BRIP1: variants seen among roughly 807,000 people sequenced by gnomAD.
The protein encoded by BRIP1 is Fanconi anemia group J protein.
A neutral mutation model predicts 119.7 loss-of-function variants in BRIP1; 88 were observed. The observed-to-expected ratio is 0.74, with a 90% CI of 0.62 to 0.88. The LOEUF (loss-of-function observed/expected upper bound fraction) is 0.88. Among genes scored for constraint, BRIP1 ranks in the 40% least tolerant of loss-of-function variants. The pLI is 0.00. For missense variants in BRIP1, 1,259 were observed against 1,455.4 expected (o/e 0.87, Z 2.20); for synonymous variants, 443 against 496.5 (o/e 0.89, Z 1.43).
Position 61,744,738 on chromosome 17 carries a change from A to G in BRIP1, c.2098-147T>C. On this transcript the variant is annotated intron_variant, in intron 14 of 19. Transcript: ENST00000259008. This position sits in a 1 kb window ranked among gnomAD's most constrained non-coding sequence, Gnocchi z 5.0. ...TAAAATGAGGAAAACAATATATCTCATAGAGCTGTTATGGGGTTAAATTTA... is the reference window on the plus strand; with the variant it reads ...TAAAATGAGGAAAACAATATATCTCGTAGAGCTGTTATGGGGTTAAATTTA... 1.3e-6 allele frequency: 1 copy of G among 756,114 alleles called. No homozygotes were observed. Among genetic ancestry groups the G allele is most frequent in the Non-Finnish European group, 2.2e-6 (1 of 453,478 alleles). The allele number at this position is 756,114 out of a possible 1,614,324, so 46.8% of individuals were successfully genotyped here. A position where few individuals can be genotyped will look rare whatever the true frequency, so the allele number is the denominator to read the frequency against.
chr17:61,808,603 C>CT lies in BRIP1; in HGVS notation c.781dup (p.Arg261LysfsTer27). On this transcript the variant is annotated frameshift_variant, in exon 7 of 20. Transcript: ENST00000259008. LOFTEE classifies it high-confidence loss of function. The surrounding 1 kb of genome is among the most constrained non-coding windows in gnomAD (Gnocchi z 4.1). ...TGAATATGCCGTCCTCCGGAGCTCT[C>CT]TAGTAATCTGAGCAATCTGCTTGTG... 1 of 1,613,966 alleles carries CT rather than the reference C, an allele frequency of 6.2e-7. No homozygotes were observed. Among genetic ancestry groups the CT allele is most frequent in the South Asian group, 1.1e-5 (1 of 91,080 alleles).
In BRIP1 at chr17:61,747,711, AT is replaced by A. The variant is rs1291768743; in HGVS notation, c.2098-3121del. On this transcript the variant is annotated intron_variant, in intron 14 of 19. Transcript: ENST00000259008. ...CATTTTTATTTATTTAATTTTATTA[AT>A]TTTTTATTTTCATTTCTTTGCTAAT... Among the ~76,000 whole-genome samples, 10 of 152,098 alleles carry A rather than the reference AT, an allele frequency of 6.6e-5. No individual in the cohort carries two copies. The East Asian group carries it at 1.5e-3, about 23-fold the overall frequency.
Position 61,730,263 on chromosome 17 carries a change from GA to G in BRIP1, c.2379+12749del, listed in dbSNP as rs756571489. Among the ~76,000 whole-genome samples the G allele has an allele frequency of 6.6e-6, 1 of 151,768 alleles. No individual in the cohort carries two copies. The highest frequency in any genetic ancestry group is 2.4e-5 in the African/African-American group (1 of 41,352). On this transcript the variant is annotated intron_variant, in intron 16 of 19. Coordinates refer to ENST00000259008, the MANE Select transcript of BRIP1 (RefSeq NM_032043.3). This position sits in a 1 kb window ranked among gnomAD's most constrained non-coding sequence, Gnocchi z 4.3. ...TTGAGACCTTAAAGCTTTACAGTTA[GA>G]AAAAAAAGTGACATAGTCACCTGAA...
At position 61,736,030 on chromosome 17, in the gene BRIP1, A is replaced by T. The variant is rs2076913676; in HGVS notation, c.2379+6983T>A. ...ATGTGATAATTTGTTACACAGCAAT[A>T]AAAAACTAATACAGGCTGGGCATGA... On this transcript the variant is annotated intron_variant, in intron 16 of 19. Coordinates refer to ENST00000259008, the MANE Select transcript of BRIP1 (RefSeq NM_032043.3). This position sits in a 1 kb window ranked among gnomAD's most constrained non-coding sequence, Gnocchi z 4.4. Among the ~76,000 whole-genome samples the T allele has an allele frequency of 6.6e-6, 1 of 152,054 alleles. No individual in the cohort carries two copies. The highest frequency in any genetic ancestry group is 1.5e-5 in the Non-Finnish European group (1 of 68,014).
In BRIP1 at chr17:61,823,785, CA is replaced by C. The variant is rs2078363065; in HGVS notation, c.628-15029del. Among the ~76,000 whole-genome samples the C allele has an allele frequency of 1.3e-5, 2 of 151,902 alleles. No homozygotes were observed. Among genetic ancestry groups the C allele is most frequent in the African/African-American group, 2.4e-5 (1 of 41,350 alleles). ...ACACACACACACACACACACACACA[CA>C]CACACACACACCTTAGTTGAATTGC... On this transcript the variant is annotated intron_variant, in intron 6 of 19. Coordinates refer to ENST00000259008, the MANE Select transcript of BRIP1 (RefSeq NM_032043.3). This position sits in a 1 kb window ranked among gnomAD's most constrained non-coding sequence, Gnocchi z 4.8.
chr17:61,817,775 G>A (rs1369829630), intron 6 of BRIP1, among the ~76,000 whole-genome samples: 1 of 152,178 alleles, frequency 6.6e-6, no homozygotes, highest in African/African-American at 2.4e-5. Flanking sequence ...GTTATTGCAG[G>A]TGCATTGTAT....
Position 61,752,808 on chromosome 17 carries a change from T to C in BRIP1, c.2098-8217A>G, listed in dbSNP as rs533506673. 1.5e-4 allele frequency among the ~76,000 whole-genome samples: 23 copies of C among 152,228 alleles called. No individual in the cohort carries two copies. The highest frequency in any genetic ancestry group is 4.8e-4 in the African/African-American group (20 of 41,510). ...AAAAGTGAACAGATTATAAAAATAC[T>C]TAAAATTAAAATGAGTAAGATATGG... On this transcript the variant is annotated intron_variant, in intron 14 of 19. Transcript: ENST00000259008. This position sits in a 1 kb window ranked among gnomAD's most constrained non-coding sequence, Gnocchi z 6.2.
rs1463389594 is a variant in BRIP1, at chr17:61,823,380, G to T, written c.628-14623C>A. On this transcript the variant is annotated intron_variant, in intron 6 of 19. Coordinates refer to ENST00000259008, the MANE Select transcript of BRIP1 (RefSeq NM_032043.3). This position sits in a 1 kb window ranked among gnomAD's most constrained non-coding sequence, Gnocchi z 4.8. ...CAGTACTTTTCAGACACTGAATTGT[G>T]ATCTCAGAGAAAAGGAAACAAAGAG... Among the ~76,000 whole-genome samples, 1 of 152,118 alleles carries T rather than the reference G, an allele frequency of 6.6e-6. No homozygotes were observed. Among genetic ancestry groups the T allele is most frequent in the Non-Finnish European group, 1.5e-5 (1 of 68,016 alleles).
rs979767657 is a variant in BRIP1 at position 61,768,951 on chromosome 17, A to AC, written c.2097+7449_2097+7450insG. On this transcript the variant is annotated intron_variant, in intron 14 of 19. Transcript: ENST00000259008. This position sits in a 1 kb window ranked among gnomAD's most constrained non-coding sequence, Gnocchi z 5.0. ...TTGTTGGCTTTGAAGAAGGAAAAAA[A>AC]AAAGTAGTAGTAGTAATAAGCTGCC... is the stretch of plus-strand genomic sequence containing the variant. Among the ~76,000 whole-genome samples, 5 of 152,186 alleles carry AC rather than the reference A, an allele frequency of 3.3e-5. No individual in the cohort carries two copies. Among genetic ancestry groups the AC allele is most frequent in the African/African-American group, 1.2e-4 (5 of 41,450 alleles).
chr17:61,755,750 C>T lies in BRIP1; in HGVS notation c.2098-11159G>A, dbSNP rs1219076791. On this transcript the variant is annotated intron_variant, in intron 14 of 19. Transcript: ENST00000259008. The surrounding 1 kb of genome is among the most constrained non-coding windows in gnomAD (Gnocchi z 4.5). ...CCTTCCTTTCTTCTCCCCTCCCTTC[C>T]GGAAGAAAACAGACAGGTAAAGATT... 1.6e-4 allele frequency among the ~76,000 whole-genome samples: 24 copies of T among 151,846 alleles called. No homozygotes were observed. The highest frequency in any genetic ancestry group is 6.8e-3 in the Middle Eastern group (2 of 294).
chr17:61,697,007 G>C (rs1255661246), intron 17 of BRIP1, among the ~76,000 whole-genome samples: 51 of 143,836 alleles, frequency 3.5e-4, no homozygotes, highest in Non-Finnish European at 5.2e-4. Flanking sequence ...AAAAAAAGGG[G>C]GGGGGAAGTG....
Position 61,778,429 on chromosome 17 carries a change from C to T in BRIP1, c.1935+1832G>A, listed in dbSNP as rs1035296840. The stretch of plus-strand genomic sequence containing the variant: ...TTGGTTGCACAACAACATATACATA[C>T]TTAATAAGACTGAGCTGTATACTCA... On this transcript the variant is annotated intron_variant, in intron 13 of 19. Transcript: ENST00000259008. The surrounding 1 kb of genome is among the most constrained non-coding windows in gnomAD (Gnocchi z 4.4). Among the ~76,000 whole-genome samples the T allele has an allele frequency of 2.6e-5, 4 of 152,070 alleles. No individual in the cohort carries two copies. The highest frequency in any genetic ancestry group is 4.8e-5 in the African/African-American group (2 of 41,430).
chr17:61,716,051 G>A lies in BRIP1; in HGVS notation c.2392C>T (p.Arg798Ter), dbSNP rs137852986. The A allele has an allele frequency of 2.9e-4, 457 of 1,592,634 alleles. No homozygotes were observed. Among genetic ancestry groups the A allele is most frequent in the Non-Finnish European group, 3.5e-4 (406 of 1,167,286 alleles). ...TTTGAATGGTGGTCATTGTATTGTCGTTTTAGTTCAACCTAATAATTTTAA... is the reference window on the plus strand; with the variant it reads ...TTTGAATGGTGGTCATTGTATTGTCATTTTAGTTCAACCTAATAATTTTAA... ...NVKDLQVELK[R>*]QYNDHHSKLR... Residue 798 changes from arginine to a stop codon, truncating the protein, a stop_gained, in exon 17 of 20, where the codon CGA becomes TGA. Transcript: ENST00000259008. LOFTEE classifies it high-confidence loss of function.
intron 9 of BRIP1, among the ~76,000 whole-genome samples, chr17:61,797,908 A>G (rs2077925702): frequency 6.6e-6 from 1 of 152,004 alleles, no homozygotes. Flanking sequence ...AGAAGAAAAC[A>G]ATTTCCATAC....
intron 16 of BRIP1, among the ~76,000 whole-genome samples, chr17:61,733,253 T>A (rs1459757003): frequency 6.6e-6 from 1 of 152,190 alleles, no homozygotes; most frequent in African/African-American, 2.4e-5. Flanking sequence ...CCAGGTGCAA[T>A]TGGCGCGAGT....
chr17:61,835,860 C>T (rs1278632981), intron 6 of BRIP1, among the ~76,000 whole-genome samples: 1 of 152,092 alleles, frequency 6.6e-6, no homozygotes, highest in Non-Finnish European at 1.5e-5. Flanking sequence ...AGCCTGACCT[C>T]ATACATGCAT....
At chr17:61,858,834 TTC>T (rs2078934721) in intron 3 of BRIP1, among the ~76,000 whole-genome samples, 1 of 152,172 alleles carries the variant, frequency 6.6e-6, no homozygotes, top group Non-Finnish European at 1.5e-5. Context: ...AATATTATAT[TTC>T]TGATTCATTA....
chr17:61,787,195 T>C (rs1408253023), intron 10 of BRIP1, among the ~76,000 whole-genome samples: 1 of 75,642 alleles, frequency 1.3e-5, no homozygotes, highest in Non-Finnish European at 2.1e-5. Context: ...TATTATATAC[T>C]ATATAAAATA....
Position 61,715,999 on chromosome 17 carries a change from T to A in BRIP1, c.2444A>T (p.Gln815Leu), listed in dbSNP as rs1282067719. ...SKLRGLLPGR[Q>L]WYEIQAYRAL... Reference sequence around the variant, plus strand: ...CCTGTATGCTTGAATTTCATACCACTGACGGCCAGGTAGAAGACCTCTCAA... The same window carrying A: ...CCTGTATGCTTGAATTTCATACCACAGACGGCCAGGTAGAAGACCTCTCAA... The change falls in exon 17 of 20, where the codon CAG (glutamine) becomes CTG (leucine). Residue 815 changes from glutamine to leucine, a missense_variant. By Grantham distance (113) the Gln-to-Leu change is moderately radical. Coordinates refer to ENST00000259008, the MANE Select transcript of BRIP1 (RefSeq NM_032043.3). 6.2e-7 allele frequency: 1 copy of A among 1,609,326 alleles called. No individual in the cohort carries two copies. The highest frequency in any genetic ancestry group is 2.2e-5 in the East Asian group (1 of 44,612).
Sources: gnomAD v4.1 joint callset for allele counts (sites outside exome capture counted in the v4.1 genomes callset) on GRCh38, gnomAD v4.1.1 for gene constraint, Gnocchi (gnomAD v3.1) non-coding constraint, MANE v1.5 for transcripts, NCBI Gene and HGNC (gene_info 2026-07-23, HGNC 2026-07-21) for gene names.